The following RNF214 variants were observed in gnomAD, a reference collection of about 807,000 sequenced individuals.
RNF214 encodes ring finger protein 214.
RNF214 carries 25 observed loss-of-function variants against 75.9 expected under a neutral mutation model. That is an observed-to-expected ratio of 0.33 (90% CI 0.24 to 0.46). The LOEUF is 0.46. Among genes scored for constraint, RNF214 ranks in the 20% least tolerant of loss-of-function variants. The pLI is 1.00. For synonymous variants in RNF214, 314 were observed against 308.8 expected (o/e 1.02, Z -0.18); for missense variants, 725 against 857.5 (o/e 0.85, Z 1.93).
intron 6 of RNF214, among the ~76,000 whole-genome samples, chr11:117,255,239 T>C (rs552927540): frequency 6.6e-6 from 1 of 152,326 alleles, no homozygotes; most frequent in Non-Finnish European, 1.5e-5. Flanking sequence ...CTCAGTTTTC[T>C]AACCATCAGC....
At chr11:117,262,545 A>G (rs1046048530) in intron 6 of RNF214, among the ~76,000 whole-genome samples, 1 of 151,824 alleles carries the variant, frequency 6.6e-6, no homozygotes, top group African/African-American at 2.4e-5. Context: ...ATGCCTGGCT[A>G]ATTTTTAAAA....
chr11:117,265,694 C>T (rs967268750), intron 6 of RNF214, among the ~76,000 whole-genome samples: 3 of 152,268 alleles, frequency 2.0e-5, no homozygotes, highest in African/African-American at 7.2e-5. Flanking sequence ...GGATTACAGA[C>T]GTGAGCCACC....
At chr11:117,254,917 C>T (rs1049084950) in intron 6 of RNF214, among the ~76,000 whole-genome samples, 4 of 152,180 alleles carry the variant, frequency 2.6e-5, no homozygotes, top group Non-Finnish European at 5.9e-5. Context: ...TGAGCCACTG[C>T]GCCTAGCCCA....
At chr11:117,256,303 CTG>C (rs2033520824) in intron 6 of RNF214, among the ~76,000 whole-genome samples, 1 of 152,208 alleles carries the variant, frequency 6.6e-6, no homozygotes, top group Non-Finnish European at 1.5e-5. Context: ...TTAGCTGTCA[CTG>C]TGTAAAAATA....
At chr11:117,259,279 T>A (rs748345802) in intron 6 of RNF214, among the ~76,000 whole-genome samples, 7 of 152,228 alleles carry the variant, frequency 4.6e-5, no homozygotes, top group Non-Finnish European at 1.0e-4. Context: ...AGTGTTCCTC[T>A]TACTAATGTA....
At chr11:117,282,581 G>A in intron 12 of RNF214, 45 bp downstream of exon 12, 1 of 1,604,114 alleles carries the variant, frequency 6.2e-7, no homozygotes, top group Non-Finnish European at 8.5e-7. Flanking sequence ...GTTGAGGGCT[G>A]GGGAAGAGGT....
intron 6 of RNF214, among the ~76,000 whole-genome samples, chr11:117,274,327 G>GC (rs1209794474): frequency 6.8e-6 from 1 of 147,064 alleles, no homozygotes; most frequent in Non-Finnish European, 1.5e-5. Context: ...AGAGGAGAAA[G>GC]CCCCTAGTAC....
intron 6 of RNF214, among the ~76,000 whole-genome samples, chr11:117,258,743 C>T (rs957047439): frequency 6.6e-6 from 1 of 152,090 alleles, no homozygotes; most frequent in African/African-American, 2.4e-5. Flanking sequence ...CCTGAAAGTT[C>T]ACTCTTGTGC....
intron 6 of RNF214, among the ~76,000 whole-genome samples, chr11:117,248,137 A>G (rs1031489511): frequency 2.0e-5 from 3 of 151,878 alleles, no homozygotes; most frequent in Non-Finnish European, 2.9e-5. Flanking sequence ...GTGCAGTGGC[A>G]CGATCTCAGC....
In RNF214 at chr11:117,267,717, A is replaced by G. The variant is rs546694485; in HGVS notation, c.960-12191A>G. On this transcript the variant is annotated intron_variant, in intron 6 of 14. Transcript: ENST00000300650. ...GCATTCCAGCCTGGGCGACAGAGCAAGATCATGTCTGAAAAAAAAAAAAGG... is the reference window on the plus strand; with the variant it reads ...GCATTCCAGCCTGGGCGACAGAGCAGGATCATGTCTGAAAAAAAAAAAAGG... Among the ~76,000 whole-genome samples, 256 of 152,164 alleles carry G rather than the reference A, an allele frequency of 1.7e-3. 1 individual carries two copies. Among genetic ancestry groups the G allele is most frequent in the Non-Finnish European group, 3.0e-3 (203 of 67,990 alleles).
intron 11 of RNF214, 24 bp downstream of exon 11, chr11:117,282,294 C>A (rs1267128516): frequency 1.9e-6 from 3 of 1,579,474 alleles, no homozygotes; most frequent in African/African-American, 2.7e-5. Context: ...AGGACTGATT[C>A]AGATGTCTCT....
In RNF214 at chr11:117,250,198, A is replaced by G. The variant is rs145349396; in HGVS notation, c.959+3250A>G. Among the ~76,000 whole-genome samples the G allele has an allele frequency of 2.7e-3, 406 of 152,328 alleles. 4 individuals are homozygous for G. The East Asian group carries it at 0.031, about 12-fold the overall frequency. ...AGTCACAGAGGGCTTCCCAGGGAAT[A>G]TCATTCCAGAACTGAGTCCTGAAAA... On this transcript the variant is annotated intron_variant, in intron 6 of 14. Transcript: ENST00000300650.
At chr11:117,235,742 T>C (rs146786560) in intron 2 of RNF214, among the ~76,000 whole-genome samples, 4,368 of 152,250 alleles carry the variant, frequency 0.029, 93 homozygotes, top group Non-Finnish European at 0.044. Flanking sequence ...TTTCAGTGAT[T>C]TATTTTTATA....
chr11:117,282,576 G>A, intron 12 of RNF214, 40 bp downstream of exon 12: 1 of 1,607,370 alleles, frequency 6.2e-7, no homozygotes, highest in South Asian at 1.1e-5. Context: ...GGCATGTTGA[G>A]GGCTGGGGAA....
At chr11:117,244,897 CT>C (rs1334640709) in intron 5 of RNF214, among the ~76,000 whole-genome samples, 3 of 151,780 alleles carry the variant, frequency 2.0e-5, no homozygotes, top group Non-Finnish European at 4.4e-5. Flanking sequence ...GAACTCCAGA[CT>C]CAAGAAATCC....
At chr11:117,241,998 T>A (rs1003321500) in intron 4 of RNF214, among the ~76,000 whole-genome samples, 2 of 152,242 alleles carry the variant, frequency 1.3e-5, no homozygotes, top group Non-Finnish European at 2.9e-5. Flanking sequence ...TTCATACTGT[T>A]AAGCTTTTAG....
At position 117,281,918 on chromosome 11, in the gene RNF214, C is replaced by A. The variant is rs1280488827; in HGVS notation, c.1360C>A (p.Gln454Lys). ...GACAGACTTCATGCTTCAGGTGTTTCAACCCAGTCCCTCTCTGGCTCCTCG... is the reference window on the plus strand; with the variant it reads ...GACAGACTTCATGCTTCAGGTGTTTAAACCCAGTCCCTCTCTGGCTCCTCG... Reference protein sequence around the residue: ...SETDFMLQVFQPSPSLAPRMP... With the variant: ...SETDFMLQVFKPSPSLAPRMP... Residue 454 changes from glutamine (Q) to lysine (K), a missense_variant, in exon 11 of 15, where the codon CAA becomes AAA. Gln to Lys is a moderately conservative substitution (Grantham distance 53). Coordinates refer to ENST00000300650, the MANE Select transcript of RNF214 (RefSeq NM_207343.4). 6.2e-7 allele frequency: 1 copy of A among 1,613,952 alleles called. No homozygotes were observed. Among genetic ancestry groups the A allele is most frequent in the East Asian group, 2.2e-5 (1 of 44,880 alleles).
intron 6 of RNF214, among the ~76,000 whole-genome samples, chr11:117,251,373 C>T (rs1302842706): frequency 4.4e-4 from 54 of 123,488 alleles, no homozygotes; most frequent in African/African-American, 9.3e-4. Context: ...GCTGGCCGGG[C>T]GGGGGGCTGA....
At chr11:117,284,477 C>T (rs774254046) in intron 14 of RNF214, among the ~76,000 whole-genome samples, 20 of 152,294 alleles carry the variant, frequency 1.3e-4, no homozygotes, top group South Asian at 2.1e-4. Flanking sequence ...CAGAGATGCT[C>T]ATCTCAGGCA....
Sources: gnomAD v4.1 joint callset for allele counts (sites outside exome capture counted in the v4.1 genomes callset) on GRCh38, gnomAD v4.1.1 for gene constraint, MANE v1.5 for transcripts, NCBI Gene and HGNC (gene_info 2026-07-23, HGNC 2026-07-21) for gene names.